DPYD: variants seen among roughly 807,000 people sequenced by gnomAD.
The protein encoded by DPYD is dihydropyrimidine dehydrogenase, also known as dihydropyrimidine dehydrogenase [NADP(+)].
A neutral mutation model predicts 116.2 loss-of-function variants in DPYD; 109 were observed. That is an observed-to-expected ratio of 0.94 (90% CI 0.80 to 1.10). The LOEUF (loss-of-function observed/expected upper bound fraction) is 1.10. Ranked by LOEUF, DPYD falls within the 50% of genes least tolerant of loss-of-function variation. The pLI is 0.00. For synonymous variants in DPYD, 440 were observed against 432.0 expected (o/e 1.02, Z -0.23); for missense variants, 1,302 against 1,254.5 (o/e 1.04, Z -0.57).
At chr1:97,097,023 A>G (rs1009445418) in intron 21 of DPYD, among the ~76,000 whole-genome samples, 1 of 152,130 alleles carries the variant, frequency 6.6e-6, no homozygotes, top group African/African-American at 2.4e-5. Flanking sequence ...AGTCATAGCC[A>G]CACATTGGCA....
chr1:97,314,769 A>T (rs1390707258), intron 16 of DPYD, among the ~76,000 whole-genome samples: 1 of 151,962 alleles, frequency 6.6e-6, no homozygotes, highest in Non-Finnish European at 1.5e-5. Context: ...CTGCCGGCTA[A>T]TCCCAACAGG....
At chr1:97,086,143 T>C (rs1332598739) in intron 21 of DPYD, among the ~76,000 whole-genome samples, 1 of 152,124 alleles carries the variant, frequency 6.6e-6, no homozygotes, top group Non-Finnish European at 1.5e-5. Flanking sequence ...AAGCTCTGCC[T>C]CCTGGGTTCA....
rs114595731 is a variant in DPYD, at chr1:97,260,822, A to G, written c.2300-25828T>C. 6.8e-3 allele frequency among the ~76,000 whole-genome samples: 1,034 copies of G among 152,216 alleles called. 10 individuals carry two copies. Among genetic ancestry groups the G allele is most frequent in the African/African-American group, 0.023 (937 of 41,546 alleles). On this transcript the variant is annotated intron_variant, in intron 18 of 22. Coordinates refer to ENST00000370192, the MANE Select transcript of DPYD (RefSeq NM_000110.4). The stretch of plus-strand genomic sequence containing the variant: ...TCTGCAGACTGAACATAACTATATA[A>G]TGTACGAAATCTAAATGCCAGGGGA...
At chr1:97,883,838 A>AC (rs1483549252) in intron 1 of DPYD, 2 of 475,718 alleles carry the variant, frequency 4.2e-6, no homozygotes, top group Non-Finnish European at 8.1e-6. Context: ...GAATCACAAA[A>AC]AAAAAAAGAT....
intron 3 of DPYD, among the ~76,000 whole-genome samples, chr1:97,809,402 C>A (rs540655822): frequency 6.6e-6 from 1 of 152,278 alleles, no homozygotes; most frequent in Admixed American, 6.5e-5. Flanking sequence ...CACCACACCT[C>A]CAGCCCAAGA....
chr1:97,255,349 T>C (rs1389092897), intron 18 of DPYD, among the ~76,000 whole-genome samples: 2 of 152,178 alleles, frequency 1.3e-5, no homozygotes, highest in African/African-American at 4.8e-5. Context: ...TTTAGCTGTG[T>C]TCCCACCCAA....
At chr1:97,198,220 T>C (rs1658949833) in intron 19 of DPYD, among the ~76,000 whole-genome samples, 2 of 152,062 alleles carry the variant, frequency 1.3e-5, no homozygotes, top group African/African-American at 4.8e-5. Context: ...GGACCACACT[T>C]AGAACAGCAA....
In DPYD at chr1:97,695,525, T is replaced by G. The variant is rs949735096; in HGVS notation, c.681-3727A>C. Among the ~76,000 whole-genome samples, 10 of 151,500 alleles carry G rather than the reference T, an allele frequency of 6.6e-5. 1 individual carries two copies. The highest frequency in any genetic ancestry group is 5.9e-4 in the Admixed American group (9 of 15,162). On this transcript the variant is annotated intron_variant, in intron 6 of 22. Coordinates refer to ENST00000370192, the MANE Select transcript of DPYD (RefSeq NM_000110.4). ...AAATATAGGGCCCATGAGAAGGCAC[T>G]TTGCCTTGTTTACTTTTATGCTCTA...
At position 97,740,448 on chromosome 1, in the gene DPYD, T is replaced by C. The variant is rs672601289; in HGVS notation, c.265A>G (p.Lys89Glu). The C allele has an allele frequency of 1.2e-6, 2 of 1,613,216 alleles. No homozygotes were observed. Among genetic ancestry groups the C allele is most frequent in the Non-Finnish European group, 1.7e-6 (2 of 1,179,510 alleles). The change falls in exon 4 of 23, where the codon AAG becomes GAG. Residue 89 changes from lysine (K) to glutamate (E), a missense_variant. Lys to Glu is a moderately conservative substitution (Grantham distance 56). Coordinates refer to ENST00000370192, the MANE Select transcript of DPYD (RefSeq NM_000110.4). ...CLKCADAPCQ[K>E]SCPTNLDIKS... ...ATATCAAGATTAGTTGGACAGCTCT[T>C]CTGACACGGGGCATCTGCACATTTC...
At chr1:97,572,065 A>C (rs1403591748) in intron 11 of DPYD, among the ~76,000 whole-genome samples, 1 of 151,930 alleles carries the variant, frequency 6.6e-6, no homozygotes, top group Non-Finnish European at 1.5e-5. Context: ...TTCTACAGGC[A>C]GTTTATTATT....
At position 97,920,966 on chromosome 1, in the gene DPYD, T is replaced by C. The variant is rs765165101; in HGVS notation, c.-44A>G. On this transcript the variant is annotated 5_prime_UTR_variant, in exon 1 of 23. Coordinates refer to ENST00000370192, the MANE Select transcript of DPYD (RefSeq NM_000110.4). Reference sequence around the variant, plus strand: ...GAGTCTGCCAGTGACAAACCCTCCTTGCGTCCTCAAGCTCCAGCCAGAGAG... The same window carrying C: ...GAGTCTGCCAGTGACAAACCCTCCTCGCGTCCTCAAGCTCCAGCCAGAGAG... The C allele has an allele frequency of 6.4e-7, 1 of 1,562,008 alleles. No individual in the cohort carries two copies. Among genetic ancestry groups the C allele is most frequent in the Non-Finnish European group, 8.7e-7 (1 of 1,153,178 alleles).
At chr1:97,229,248 T>TAA (rs1261777617) in intron 19 of DPYD, among the ~76,000 whole-genome samples, 9 of 86,038 alleles carry the variant, frequency 1.0e-4, no homozygotes, top group African/African-American at 3.9e-4. Flanking sequence ...TGATGGGAAG[T>TAA]AAAAAAAAAA....
At chr1:97,343,150 A>AAAG (rs1669666037) in intron 16 of DPYD, among the ~76,000 whole-genome samples, 1 of 150,264 alleles carries the variant, frequency 6.7e-6, no homozygotes, top group African/African-American at 2.4e-5. Flanking sequence ...ATGAACTGAG[A>AAAG]AAGGCCTTCT....
chr1:97,086,876 T>C (rs954947202), intron 21 of DPYD, among the ~76,000 whole-genome samples: 6 of 152,226 alleles, frequency 3.9e-5, no homozygotes, highest in Non-Finnish European at 8.8e-5. Flanking sequence ...GCAGTCACTA[T>C]GACTTCTAAC....
intron 21 of DPYD, among the ~76,000 whole-genome samples, chr1:97,097,147 C>T (rs900656481): frequency 6.6e-5 from 10 of 152,120 alleles, no homozygotes; most frequent in Admixed American, 4.6e-4. Context: ...ACTCAAGAGA[C>T]GATTTGGGGC....
At chr1:97,552,533 G>T (rs112317621) in intron 11 of DPYD, among the ~76,000 whole-genome samples, 2,265 of 151,986 alleles carry the variant, frequency 0.015, 58 homozygotes, top group African/African-American at 0.051. Context: ...CTGCTCATGG[G>T]CATTTCTATT....
intron 11 of DPYD, among the ~76,000 whole-genome samples, chr1:97,572,310 A>C (rs1652955416): frequency 6.6e-6 from 1 of 151,986 alleles, no homozygotes; most frequent in African/African-American, 2.4e-5. Flanking sequence ...ATACACAAAT[A>C]CACATGCCTG....
At position 97,547,100 on chromosome 1, in the gene DPYD, A is replaced by AAT. The variant is rs1167641393; in HGVS notation, c.1524+2458_1524+2459dup. On this transcript the variant is annotated intron_variant, in intron 12 of 22. Coordinates refer to ENST00000370192, the MANE Select transcript of DPYD (RefSeq NM_000110.4). ...TTTTTTACTCTAGAAATGGGTGCATAATATAACTAGGCAGTGGCAGTGCCT... is the reference window on the plus strand; with the variant it reads ...TTTTTTACTCTAGAAATGGGTGCATAATATATAACTAGGCAGTGGCAGTGCCT... 5 of 827,326 alleles carry AAT rather than the reference A, an allele frequency of 6.0e-6. No homozygotes were observed. The African/African-American group carries it at 8.3e-5, about 14-fold the overall frequency. 51.2% of individuals were successfully genotyped at this position (827,326 alleles called of 1,614,324 possible). A position where few individuals can be genotyped will look rare whatever the true frequency, so the allele number is the denominator to read the frequency against.
chr1:97,435,186 C>A (rs1187552075), intron 14 of DPYD, among the ~76,000 whole-genome samples: 1 of 151,820 alleles, frequency 6.6e-6, no homozygotes, highest in Non-Finnish European at 1.5e-5. Flanking sequence ...ATGAAATACA[C>A]TGGTAGAAAG....
Sources: allele counts gnomAD v4.1 joint callset (sites outside exome capture counted in the v4.1 genomes callset), GRCh38; gene constraint gnomAD v4.1.1; transcripts MANE v1.5; gene names NCBI Gene and HGNC (gene_info 2026-07-23, HGNC 2026-07-21).